The following RPA3 variants were observed in gnomAD, a reference collection of about 807,000 sequenced individuals.
RPA3 encodes the protein replication protein A 14 kDa subunit.
A neutral mutation model predicts 13.7 loss-of-function variants in RPA3; 24 were observed. That is an observed-to-expected ratio of 1.75 (90% confidence interval 1.27 to 2.46). The LOEUF (loss-of-function observed/expected upper bound fraction) is 2.46. Ranked by LOEUF, RPA3 falls within the 30% of genes most tolerant of loss-of-function variation. The pLI is 0.00. For missense variants in RPA3, 183 were observed against 151.0 expected (o/e 1.21, Z -1.11); for synonymous variants, 59 against 51.2 (o/e 1.15, Z -0.65).
At chr7:7,702,083 A>G (rs187204584) in intron 2 of RPA3, among the ~76,000 whole-genome samples, 204 of 152,292 alleles carry the variant, frequency 1.3e-3, no homozygotes, top group African/African-American at 4.5e-3. Context: ...AATTTAATGT[A>G]AGGGATGTCA....
At chr7:7,650,134 C>T (rs1414951250) in intron 4 of RPA3, among the ~76,000 whole-genome samples, 4 of 152,182 alleles carry the variant, frequency 2.6e-5, no homozygotes, top group Non-Finnish European at 1.5e-5. Flanking sequence ...ATTCCATTTA[C>T]CTTTTCCCAA....
intron 4 of RPA3, among the ~76,000 whole-genome samples, chr7:7,662,463 TC>T (rs1307693122): frequency 6.6e-6 from 1 of 152,214 alleles, no homozygotes. Context: ...GGCGGGAATC[TC>T]CTGGTCTGTG....
intron 4 of RPA3, among the ~76,000 whole-genome samples, chr7:7,666,747 C>G (rs1583711318): frequency 6.6e-6 from 1 of 151,968 alleles, no homozygotes; most frequent in Admixed American, 6.6e-5. Context: ...CATTATTTAT[C>G]AAATATGTGA....
intron 4 of RPA3, among the ~76,000 whole-genome samples, chr7:7,679,836 A>G (rs1260159086): frequency 6.6e-6 from 1 of 151,258 alleles, no homozygotes; most frequent in Admixed American, 6.6e-5. Flanking sequence ...AAGTGCTGGG[A>G]TTACAGGCGT....
intron 4 of RPA3, among the ~76,000 whole-genome samples, chr7:7,672,332 G>C (rs1779626802): frequency 6.6e-6 from 1 of 152,164 alleles, no homozygotes; most frequent in African/African-American, 2.4e-5. Flanking sequence ...AATGGGAATA[G>C]TAGGAAAAGA....
chr7:7,662,246 T>C (rs1010092848), intron 4 of RPA3, among the ~76,000 whole-genome samples: 12 of 152,148 alleles, frequency 7.9e-5, no homozygotes, highest in Admixed American at 7.9e-4. Flanking sequence ...CTTGCTGAGC[T>C]CCATGGGGTT....
At chr7:7,646,630 A>C (rs1019704585) in intron 4 of RPA3, among the ~76,000 whole-genome samples, 3 of 151,792 alleles carry the variant, frequency 2.0e-5, no homozygotes, top group African/African-American at 7.3e-5. Context: ...ACCCAGTCTC[A>C]GGGGTGTCTT....
chr7:7,650,493 T>C (rs1785200379), intron 4 of RPA3, among the ~76,000 whole-genome samples: 1 of 152,260 alleles, frequency 6.6e-6, no homozygotes, highest in Admixed American at 6.5e-5. Flanking sequence ...GCTGTAGGCT[T>C]ACATGTCTCA....
intron 4 of RPA3, among the ~76,000 whole-genome samples, chr7:7,671,670 T>C (rs28915995): frequency 0.014 from 2,060 of 152,256 alleles, 22 homozygotes; most frequent in Non-Finnish European, 0.022. Context: ...CTTTATCTTA[T>C]TCAGTTACTT....
chr7:7,654,507 T>C (rs1180154257), intron 4 of RPA3, among the ~76,000 whole-genome samples: 3 of 152,244 alleles, frequency 2.0e-5, no homozygotes, highest in Non-Finnish European at 4.4e-5. Context: ...CTCAAGTGCC[T>C]TTTATTAAAT....
intron 4 of RPA3, among the ~76,000 whole-genome samples, chr7:7,650,554 C>T (rs1297018596): frequency 6.6e-6 from 1 of 152,142 alleles, no homozygotes; most frequent in Non-Finnish European, 1.5e-5. Flanking sequence ...GGCTGCAGGA[C>T]AGTGTGAATG....
chr7:7,699,920 C>A (rs1422657946), intron 2 of RPA3, among the ~76,000 whole-genome samples: 1 of 152,048 alleles, frequency 6.6e-6, no homozygotes, highest in Non-Finnish European at 1.5e-5. Context: ...TAGATTATAG[C>A]CAGAAAACTA....
rs1321908351 is a variant in RPA3, at chr7:7,713,467, C to T, written c.-1028+1708G>A. On this transcript the variant is annotated intron_variant, in intron 2 of 7. Coordinates refer to ENST00000223129, the MANE Select transcript of RPA3 (RefSeq NM_002947.5). ...TCTGGGATTTTCATTATGTTCTGCT[C>T]CTCCCCCCCATGGCAATATTGTTTA... Among the ~76,000 whole-genome samples, 8 of 150,478 alleles carry T rather than the reference C, an allele frequency of 5.3e-5. No individual in the cohort carries two copies. In the South Asian group the frequency reaches 1.3e-3, roughly 24 times the overall value.
chr7:7,663,835 A>C (rs7800853), intron 4 of RPA3, among the ~76,000 whole-genome samples: 126,584 of 152,018 alleles, frequency 0.83, 52,907 homozygotes, highest in Non-Finnish European at 0.88. Context: ...TATCAGTTTT[A>C]TACAACTGAT....
chr7:7,650,594 A>G (rs1191551228), intron 4 of RPA3, among the ~76,000 whole-genome samples: 2 of 152,244 alleles, frequency 1.3e-5, no homozygotes, highest in African/African-American at 4.8e-5. Flanking sequence ...GTACACTTAA[A>G]AATTGTTTAA....
chr7:7,642,962 C>A (rs766840586), intron 4 of RPA3, among the ~76,000 whole-genome samples: 1 of 152,080 alleles, frequency 6.6e-6, no homozygotes, highest in East Asian at 1.9e-4. Flanking sequence ...CTTCTGACTT[C>A]TTTTGTTTGT....
intron 2 of RPA3, among the ~76,000 whole-genome samples, chr7:7,699,046 G>GT (rs1780388977): frequency 8.1e-6 from 1 of 123,062 alleles, no homozygotes; most frequent in African/African-American, 3.1e-5. Context: ...GTGTGTGTGT[G>GT]TGTGGGGGGG....
chr7:7,639,673 C>T (rs994287330), intron 5 of RPA3, among the ~76,000 whole-genome samples: 5 of 152,186 alleles, frequency 3.3e-5, no homozygotes, highest in African/African-American at 1.2e-4. Flanking sequence ...TACTCAGTTT[C>T]CCTACTTGGG....
At chr7:7,702,785 T>TTTGTTG (rs148600831) in intron 2 of RPA3, among the ~76,000 whole-genome samples, 1 of 150,346 alleles carries the variant, frequency 6.7e-6, no homozygotes, top group African/African-American at 2.4e-5. Context: ...GGCCTGGGTT[T>TTTGTTG]TTGTTGTTGT....
Sources: allele counts gnomAD v4.1 joint callset (sites outside exome capture counted in the v4.1 genomes callset), GRCh38; gene constraint gnomAD v4.1.1; transcripts MANE v1.5; gene names NCBI Gene and HGNC (gene_info 2026-07-23, HGNC 2026-07-21).